Variants in SHPRH observed in about 807,000 individuals in gnomAD.
The protein encoded by SHPRH is E3 ubiquitin-protein ligase SHPRH.
SHPRH carries 106 observed loss-of-function variants against 202.5 expected under a neutral mutation model. The observed-to-expected ratio is 0.52, with a 90% CI of 0.45 to 0.62. The LOEUF (loss-of-function observed/expected upper bound fraction) is 0.62, where lower values mean the gene tolerates loss of function less well. Among genes scored for constraint, SHPRH ranks in the 20% least tolerant of loss-of-function variants. SHPRH has a pLI of 0.00. For missense variants in SHPRH, 1,710 were observed against 2,020.0 expected, an observed-to-expected ratio of 0.85 and a Z score of 2.94; for synonymous variants, 729 against 686.0, an observed-to-expected ratio of 1.06 and a Z score of -0.98.
At chr6:145,861,824 C>T (rs1005045421), downstream of SHPRH, among the ~76,000 whole-genome samples, 2 of 152,038 alleles carry the variant, frequency 1.3e-5, no homozygotes, top group African/African-American at 4.8e-5. Context: ...TATTATTCAG[C>T]CCATAAAAAG....
chr6:145,878,228 C>A (rs557100719), intron 2 of SHPRH, among the ~76,000 whole-genome samples: 1 of 152,162 alleles, frequency 6.6e-6, no homozygotes, highest in Non-Finnish European at 1.5e-5. Context: ...CTGCCTCCCC[C>A]CAACCCCATG....
At chr6:145,945,804 A>G in intron 7 of SHPRH, 167 bp from the exon 8 acceptor site, 1 of 646,270 alleles carries the variant, frequency 1.5e-6, no homozygotes, top group Non-Finnish European at 2.4e-6. Context: ...AATGTATCTC[A>G]GCATATTAAG....
Position 145,942,012 on chromosome 6 carries a change from T to A in SHPRH, c.2239-138A>T, listed in dbSNP as rs1018452280. On this transcript the variant is annotated intron_variant, in intron 9 of 29. Transcript: ENST00000275233. The stretch of plus-strand genomic sequence containing the variant: ...GCTATGAGACAGATCCCATACCTGT[T>A]TGGAGAAAGACATGTTTTAGTGTGG... 6 of 999,670 alleles carry A rather than the reference T, an allele frequency of 6.0e-6. No individual in the cohort carries two copies. In the Admixed American group the frequency reaches 1.4e-4, roughly 23 times the overall value. The allele number at this position is 999,670 out of a possible 1,614,324, so 61.9% of individuals were successfully genotyped here.
Position 145,961,187 on chromosome 6 carries a change from C to T in SHPRH, c.-33+2544G>A, listed in dbSNP as rs537306034. On this transcript the variant is annotated intron_variant, in intron 1 of 29. Coordinates refer to ENST00000275233, the MANE Select transcript of SHPRH (RefSeq NM_001042683.3). ...TTTCACAATAACCAAACTGTAATGTCGCAGGATGGGGGACCACAGATTAGT... is the reference window on the plus strand; with the variant it reads ...TTTCACAATAACCAAACTGTAATGTTGCAGGATGGGGGACCACAGATTAGT... Among the ~76,000 whole-genome samples, 10 of 152,236 alleles carry T rather than the reference C, an allele frequency of 6.6e-5. No homozygotes were observed. The East Asian group carries it at 1.5e-3, about 24-fold the overall frequency.
At chr6:145,898,630 G>A (rs998153547) in intron 25 of SHPRH, among the ~76,000 whole-genome samples, 2 of 151,946 alleles carry the variant, frequency 1.3e-5, no homozygotes, top group African/African-American at 4.8e-5. Context: ...TCTCTCTTGT[G>A]CAAGATGAAT....
downstream of SHPRH, among the ~76,000 whole-genome samples, chr6:145,880,757 ATAAGT>A (rs968659951): frequency 6.6e-6 from 1 of 151,868 alleles, no homozygotes; most frequent in Non-Finnish European, 1.5e-5. Context: ...ACAAAATATA[ATAAGT>A]TAATGTATAT....
At chr6:145,948,250 T>C in intron 5 of SHPRH, 22 bp downstream of exon 5, 1 of 1,524,930 alleles carries the variant, frequency 6.6e-7, no homozygotes, top group Non-Finnish European at 8.9e-7. Flanking sequence ...AAATCAAGCA[T>C]ATAAGTAAAA....
intron 22 of SHPRH, chr6:145,919,117 G>A (rs184952202): frequency 4.5e-6 from 2 of 448,320 alleles, no homozygotes; most frequent in Admixed American, 4.0e-5. Context: ...AACCTGGAGA[G>A]AAACAAGATG....
rs181490185 is a variant in SHPRH, at chr6:145,945,462, G to C, written c.1497C>G (p.Ile499Met). The change falls in exon 8 of 30, where the codon ATC (isoleucine) becomes ATG (methionine). Residue 499 changes from isoleucine to methionine, a missense_variant. By Grantham distance (10) the Ile-to-Met change is conservative. Coordinates refer to ENST00000275233, the MANE Select transcript of SHPRH (RefSeq NM_001042683.3). ...AAGTCCCAGAAAAACCATGGCCTTT[G>C]ATCTGTTTCACGAGACCTTCAAAAA... Reference protein sequence around the residue: ...CLIFEGLVKQIKGHGFSGTFT... With the variant: ...CLIFEGLVKQMKGHGFSGTFT... The C allele has an allele frequency of 2.2e-5, 35 of 1,613,082 alleles. No homozygotes were observed. Among genetic ancestry groups the C allele is most frequent in the African/African-American group, 5.3e-5 (4 of 74,916 alleles).
At chr6:145,918,277 CAGTT>C in intron 22 of SHPRH, 45 bp from the exon 23 acceptor site, 2 of 1,244,936 alleles carry the variant, frequency 1.6e-6, no homozygotes, top group Non-Finnish European at 2.2e-6. Context: ...TTCAGAAAGA[CAGTT>C]AAATTATATT....
At chr6:145,946,840 G>C (rs115899968) in intron 6 of SHPRH, among the ~76,000 whole-genome samples, 6,034 of 151,780 alleles carry the variant, frequency 0.04, 396 homozygotes, top group African/African-American at 0.13. Context: ...GAGACTGGTG[G>C]GTCCTAGAGG....
At chr6:145,862,083 G>A (rs932943980), downstream of SHPRH, among the ~76,000 whole-genome samples, 7 of 152,144 alleles carry the variant, frequency 4.6e-5, no homozygotes, top group African/African-American at 9.7e-5. Context: ...GAGATCTACT[G>A]TACAAAAATG....
downstream of SHPRH, among the ~76,000 whole-genome samples, chr6:145,861,464 G>A (rs1439396639): frequency 6.6e-6 from 1 of 151,706 alleles, no homozygotes; most frequent in Non-Finnish European, 1.5e-5. Context: ...TGGTGAGAAT[G>A]TAGAGAAAAG....
chr6:145,894,233 G>A lies in SHPRH; in HGVS notation c.4612C>T (p.Gln1538Ter). 6.3e-7 allele frequency: 1 copy of A among 1,596,882 alleles called. No individual in the cohort carries two copies. The highest frequency in any genetic ancestry group is 1.1e-5 in the South Asian group (1 of 88,662). ...GAKALVFSTW[Q>*]DVLDIISKAL... ...TTTGAAATAATATCTAATACATCTT[G>A]CCACTAGAACACATAAAACAATAAG... The change falls in exon 27 of 30, where the codon CAA (glutamine) becomes TAA (stop). Residue 1538 changes from glutamine (Q) to a stop codon, truncating the protein, a stop_gained. Transcript: ENST00000275233. LOFTEE classifies it high-confidence loss of function.
chr6:145,947,650 A>G lies in SHPRH; in HGVS notation c.1062-7T>C, dbSNP rs1787534091. The G allele has an allele frequency of 1.9e-6, 3 of 1,611,196 alleles. No individual in the cohort carries two copies. Among genetic ancestry groups the G allele is most frequent in the Admixed American group, 1.7e-5 (1 of 59,650 alleles). On this transcript the variant is annotated splice_region_variant and splice_polypyrimidine_tract_variant and intron_variant, in intron 5 of 29. Coordinates refer to ENST00000275233, the MANE Select transcript of SHPRH (RefSeq NM_001042683.3). The stretch of plus-strand genomic sequence containing the variant: ...TGGGTACTCACGAATGATGCTGAGG[A>G]AAAAAACAAGATAAATCACATCATA...
At chr6:145,905,913 G>T (rs975571216) in intron 25 of SHPRH, 2 of 151,724 alleles carry the variant, frequency 1.3e-5, no homozygotes, top group Non-Finnish European at 2.9e-5. Flanking sequence ...TTCACTCCTG[G>T]ACCTTTCACT....
At chr6:145,930,885 A>G (rs973930260) in intron 14 of SHPRH, among the ~76,000 whole-genome samples, 1 of 151,538 alleles carries the variant, frequency 6.6e-6, no homozygotes, top group African/African-American at 2.4e-5. Context: ...TTATTTTGAA[A>G]CTCTTGTTTT....
At chr6:145,931,081 GTTA>G (rs1160964130) in intron 14 of SHPRH, among the ~76,000 whole-genome samples, 1 of 151,978 alleles carries the variant, frequency 6.6e-6, no homozygotes, top group Non-Finnish European at 1.5e-5. Flanking sequence ...TTTGATTAGT[GTTA>G]ACATATCTTT....
chr6:145,922,581 T>A, intron 19 of SHPRH, 82 bp downstream of exon 19: 1 of 1,472,742 alleles, frequency 6.8e-7, no homozygotes, highest in Admixed American at 2.4e-5. Flanking sequence ...ACCTTTACTA[T>A]ATGAGTCAAT....
Sources: allele counts gnomAD v4.1 joint callset (sites outside exome capture counted in the v4.1 genomes callset), GRCh38; gene constraint gnomAD v4.1.1; transcripts MANE v1.5; gene names NCBI Gene and HGNC (gene_info 2026-07-23, HGNC 2026-07-21).